Variants in HHAT observed in about 807,000 individuals in gnomAD.
HHAT encodes the protein hedgehog acyltransferase.
Under a neutral mutation model 70.8 loss-of-function variants are expected in HHAT, and 47 were observed. The observed-to-expected ratio is 0.66, with a 90% CI of 0.53 to 0.85. The LOEUF is 0.85. Among genes scored for constraint, HHAT ranks in the 40% least tolerant of loss-of-function variants. HHAT has a pLI of 0.00. For missense variants in HHAT, 609 were observed against 604.8 expected (o/e 1.01, Z -0.07); for synonymous variants, 228 against 247.6 (o/e 0.92, Z 0.74).
At chr1:210,342,104 C>A (rs1325604396) in intron 1 of HHAT, among the ~76,000 whole-genome samples, 1 of 151,954 alleles carries the variant, frequency 6.6e-6, no homozygotes. Context: ...TATTTTGATG[C>A]CAAGGACAAC....
chr1:210,504,832 C>T lies in HHAT; in HGVS notation c.1008-8321C>T, dbSNP rs570507504. ...AACGTGTTTGACTGCCAACTGGGATCATGCTAGTCTAAGTGTCTAAGTTTA... is the reference window on the plus strand; with the variant it reads ...AACGTGTTTGACTGCCAACTGGGATTATGCTAGTCTAAGTGTCTAAGTTTA... On this transcript the variant is annotated intron_variant, in intron 8 of 11. Coordinates refer to ENST00000261458, the MANE Select transcript of HHAT (RefSeq NM_018194.6). Among the ~76,000 whole-genome samples, 17 of 152,044 alleles carry T rather than the reference C, an allele frequency of 1.1e-4. 1 individual carries two copies. The South Asian group carries it at 3.5e-3, about 32-fold the overall frequency.
intron 3 of HHAT, chr1:210,374,207 T>A (rs559049233): frequency 6.6e-6 from 1 of 152,168 alleles, no homozygotes; most frequent in Non-Finnish European, 1.5e-5. Context: ...GATTTGTTTC[T>A]CTCCACGGAA....
intron 9 of HHAT, among the ~76,000 whole-genome samples, chr1:210,581,196 AT>A (rs1659194833): frequency 6.6e-6 from 1 of 152,174 alleles, no homozygotes; most frequent in Non-Finnish European, 1.5e-5. Context: ...TTATAAATAC[AT>A]TTAAGTTCCT....
chr1:210,483,355 A>G (rs903148210), intron 8 of HHAT, among the ~76,000 whole-genome samples: 1 of 152,212 alleles, frequency 6.6e-6, no homozygotes, highest in Non-Finnish European at 1.5e-5. Context: ...TTAGAAGAGT[A>G]GAGAGAACAC....
chr1:210,525,545 T>C (rs2095232532), intron 9 of HHAT, among the ~76,000 whole-genome samples: 1 of 152,212 alleles, frequency 6.6e-6, no homozygotes, highest in African/African-American at 2.4e-5. Context: ...GATCTTGCTG[T>C]TACCACTTTT....
intron 2 of HHAT, among the ~76,000 whole-genome samples, chr1:210,359,895 A>G (rs1030298843): frequency 1.3e-5 from 2 of 152,042 alleles, no homozygotes; most frequent in African/African-American, 4.8e-5. Flanking sequence ...CAGTCTCCGA[A>G]TTTTTGGGAG....
chr1:210,391,901 A>G (rs2091484150), intron 4 of HHAT, among the ~76,000 whole-genome samples: 2 of 151,764 alleles, frequency 1.3e-5, no homozygotes, highest in South Asian at 4.2e-4. Context: ...ACAGGATCTC[A>G]TTGTGTTGCC....
intron 11 of HHAT, among the ~76,000 whole-genome samples, chr1:210,654,983 CAG>C (rs993330818): frequency 1.3e-5 from 2 of 152,180 alleles, no homozygotes; most frequent in Non-Finnish European, 2.9e-5. Flanking sequence ...TTAGAGGAAT[CAG>C]AGAAAGCCCA....
chr1:210,424,191 T>C (rs1328429977), intron 7 of HHAT, among the ~76,000 whole-genome samples: 2 of 152,220 alleles, frequency 1.3e-5, no homozygotes, highest in African/African-American at 4.8e-5. Flanking sequence ...TCCATTTCTT[T>C]GTATCCTCTT....
chr1:210,662,198 G>A (rs761434738), intron 11 of HHAT, among the ~76,000 whole-genome samples: 8 of 152,158 alleles, frequency 5.3e-5, no homozygotes, highest in Admixed American at 3.3e-4. Flanking sequence ...GGGGAGGAGC[G>A]TGGTGGCCCC....
chr1:210,359,050 C>A (rs1454673696), intron 2 of HHAT, among the ~76,000 whole-genome samples: 1 of 152,150 alleles, frequency 6.6e-6, no homozygotes. Flanking sequence ...TGCTCTCAGG[C>A]AGTTTTGTGG....
At chr1:210,665,819 T>C (rs1678771174) in intron 11 of HHAT, among the ~76,000 whole-genome samples, 1 of 152,196 alleles carries the variant, frequency 6.6e-6, no homozygotes, top group Non-Finnish European at 1.5e-5. Flanking sequence ...AAACCAAAGT[T>C]TGAGAATCTG....
At chr1:210,670,790 C>G (rs763673418) in intron 11 of HHAT, among the ~76,000 whole-genome samples, 6 of 152,176 alleles carry the variant, frequency 3.9e-5, no homozygotes, top group Non-Finnish European at 5.9e-5. Flanking sequence ...TTTTGTATTT[C>G]TAAAACACTT....
intron 11 of HHAT, among the ~76,000 whole-genome samples, chr1:210,648,026 C>T (rs542658945): frequency 6.6e-6 from 1 of 152,298 alleles, no homozygotes; most frequent in South Asian, 2.1e-4. Flanking sequence ...TCTTGTGTCC[C>T]ACCTCTGGGT....
intron 8 of HHAT, among the ~76,000 whole-genome samples, chr1:210,502,674 A>G (rs187363941): frequency 6.6e-6 from 1 of 152,122 alleles, no homozygotes; most frequent in African/African-American, 2.4e-5. Context: ...TACAATCCCT[A>G]TTTTCCTTAT....
chr1:210,508,446 AT>A (rs1553251226), intron 8 of HHAT, among the ~76,000 whole-genome samples: 1 of 152,198 alleles, frequency 6.6e-6, no homozygotes, highest in Non-Finnish European at 1.5e-5. Flanking sequence ...ATGAAATAAC[AT>A]TTTTAAAATA....
At chr1:210,507,346 A>G (rs994347228) in intron 8 of HHAT, among the ~76,000 whole-genome samples, 1 of 138,900 alleles carries the variant, frequency 7.2e-6, no homozygotes, top group Admixed American at 7.2e-5. Flanking sequence ...TAAAGAAAAC[A>G]TTTTTCTTTT....
intron 9 of HHAT, among the ~76,000 whole-genome samples, chr1:210,567,622 C>A (rs1655090630): frequency 6.6e-6 from 1 of 152,132 alleles, no homozygotes; most frequent in Admixed American, 6.5e-5. Flanking sequence ...TACATTATTT[C>A]TCCATTCCTT....
At position 210,337,087 on chromosome 1, in the gene HHAT, A is replaced by G. The variant is rs74156132; in HGVS notation, c.-44+7983A>G. On this transcript the variant is annotated intron_variant, in intron 1 of 11. Coordinates refer to ENST00000261458, the MANE Select transcript of HHAT (RefSeq NM_018194.6). ...GATCTGGCTTGAGGGAATTTCATATAAAAAGACTTAGAGTTATGTTTGATT... is the reference window on the plus strand; with the variant it reads ...GATCTGGCTTGAGGGAATTTCATATGAAAAGACTTAGAGTTATGTTTGATT... 7.9e-3 allele frequency among the ~76,000 whole-genome samples: 1,202 copies of G among 152,312 alleles called. 11 individuals carry two copies. The highest frequency in any genetic ancestry group is 0.026 in the African/African-American group (1,076 of 41,554).
Sources: gnomAD v4.1 joint callset for allele counts (sites outside exome capture counted in the v4.1 genomes callset) on GRCh38, gnomAD v4.1.1 for gene constraint, MANE v1.5 for transcripts, NCBI Gene and HGNC (gene_info 2026-07-23, HGNC 2026-07-21) for gene names.